Variants in GPCPD1 observed in about 807,000 individuals in gnomAD.
GPCPD1 encodes the protein glycerophosphocholine phosphodiesterase GPCPD1.
In GPCPD1, 29 loss-of-function variants were observed where a neutral mutation model predicts 89.2. That is an observed-to-expected ratio of 0.33 (90% CI 0.24 to 0.44). The LOEUF (loss-of-function observed/expected upper bound fraction) is 0.44. Among genes scored for constraint, GPCPD1 ranks in the 20% least tolerant of loss-of-function variants. The probability of loss-of-function intolerance (pLI) is 1.00; values close to 1 mark genes in which losing one functional copy is unlikely to be tolerated. For missense variants in GPCPD1, 594 were observed against 808.9 expected (o/e 0.73, Z 3.22); for synonymous variants, 258 against 266.3 (o/e 0.97, Z 0.30).
At chr20:5,556,517 T>G (rs909388214) in intron 19 of GPCPD1, among the ~76,000 whole-genome samples, 1 of 152,212 alleles carries the variant, frequency 6.6e-6, no homozygotes, top group Non-Finnish European at 1.5e-5. Flanking sequence ...ACATAACATT[T>G]ATATGCACTC....
At chr20:5,604,614 G>GGGA (rs199756182) in intron 1 of GPCPD1, among the ~76,000 whole-genome samples, 174 bp from the exon 2 acceptor site, 968 of 76,012 alleles carry the variant, frequency 0.013, 104 homozygotes, top group African/African-American at 0.048. Context: ...TTTAGTGCGG[G>GGGA]GGGGGGGGGG....
chr20:5,556,587 C>T (rs987733714), intron 19 of GPCPD1, among the ~76,000 whole-genome samples: 2 of 152,196 alleles, frequency 1.3e-5, no homozygotes, highest in Non-Finnish European at 2.9e-5. Context: ...CCTTCACTAT[C>T]GCTGAGGTAC....
chr20:5,562,137 G>A (rs573486097), intron 15 of GPCPD1, among the ~76,000 whole-genome samples: 2 of 152,186 alleles, frequency 1.3e-5, no homozygotes, highest in Non-Finnish European at 2.9e-5. Context: ...GATTATTTTG[G>A]CAGTTTTAAC....
rs1038795246 is a variant in GPCPD1, at chr20:5,573,585, A to T, written c.1056+330T>A. ...ACCCTGAATCTACAAAAGAGAAAAAAATTTAAAAATTAGCCAGGCATGGTG... is the reference window on the plus strand; with the variant it reads ...ACCCTGAATCTACAAAAGAGAAAAATATTTAAAAATTAGCCAGGCATGGTG... On this transcript the variant is annotated intron_variant, in intron 11 of 19. Transcript: ENST00000379019. Among the ~76,000 whole-genome samples the T allele has an allele frequency of 1.8e-4, 27 of 152,264 alleles. No homozygotes were observed. The East Asian group carries it at 4.6e-3, about 26-fold the overall frequency.
intron 6 of GPCPD1, among the ~76,000 whole-genome samples, chr20:5,583,781 TTAGA>T (rs1280638752): frequency 2.0e-5 from 3 of 152,114 alleles, no homozygotes; most frequent in African/African-American, 7.2e-5. Flanking sequence ...ATTTCACACT[TTAGA>T]TATTTAGAAA....
chr20:5,549,117 G>A (rs1454369312), intron 19 of GPCPD1: 1 of 649,706 alleles, frequency 1.5e-6, no homozygotes, highest in Non-Finnish European at 2.9e-6. Flanking sequence ...TTTAAGGATG[G>A]TGTTGAGCCC....
Position 5,587,317 on chromosome 20 carries a change from A to C in GPCPD1, c.232-1048T>G, listed in dbSNP as rs371222391. ...ATCATACCATTTAGGGATAATCACCATCAAGATTTTCACATATAATCTTTG... is the reference window on the plus strand; with the variant it reads ...ATCATACCATTTAGGGATAATCACCCTCAAGATTTTCACATATAATCTTTG... On this transcript the variant is annotated intron_variant, in intron 4 of 19. Transcript: ENST00000379019. 2.6e-5 allele frequency among the ~76,000 whole-genome samples: 4 copies of C among 152,264 alleles called. No homozygotes were observed. The East Asian group carries it at 7.7e-4, about 29-fold the overall frequency.
intron 13 of GPCPD1, 54 bp downstream of exon 13, chr20:5,567,429 G>C: frequency 6.6e-7 from 1 of 1,524,846 alleles, no homozygotes; most frequent in Non-Finnish European, 8.8e-7. Context: ...ATACAAGCAA[G>C]TACAATAGTC....
intron 6 of GPCPD1, 69 bp from the exon 7 acceptor site, chr20:5,580,200 T>C (rs1021129593): frequency 5.3e-6 from 4 of 760,042 alleles, no homozygotes; most frequent in African/African-American, 3.6e-5. Flanking sequence ...TAAGTACCTA[T>C]AGGCATTGAT....
intron 6 of GPCPD1, among the ~76,000 whole-genome samples, chr20:5,582,567 C>T (rs1978613503): frequency 6.6e-6 from 1 of 152,172 alleles, no homozygotes; most frequent in Admixed American, 6.5e-5. Context: ...CGCTTTCCAC[C>T]TTTTGACTCC....
chr20:5,586,599 A>G (rs957769557), intron 4 of GPCPD1, among the ~76,000 whole-genome samples: 2 of 152,214 alleles, frequency 1.3e-5, no homozygotes, highest in African/African-American at 2.4e-5. Flanking sequence ...CTTAAGATAA[A>G]TATCATATAT....
Position 5,580,032 on chromosome 20 carries a change from T to C in GPCPD1, c.449A>G (p.Lys150Arg), listed in dbSNP as rs1201020128. The change falls in exon 7 of 20, where the codon AAA (lysine) becomes AGA (arginine). Residue 150 changes from lysine (K) to arginine (R), a missense_variant. Coordinates refer to ENST00000379019, the MANE Select transcript of GPCPD1 (RefSeq NM_019593.5). ...SEKPPVSITK[K>R]KLKKSRFRVK... ...CCTAAATCTAGATTTTTTTAATTTT[T>C]TCTTGGTTATTGACACAGGAGGTTT... 3 of 1,534,476 alleles carry C rather than the reference T, an allele frequency of 2.0e-6. No individual in the cohort carries two copies. Among genetic ancestry groups the C allele is most frequent in the Non-Finnish European group, 2.7e-6 (3 of 1,111,022 alleles).
At chr20:5,557,033 G>GACATTT (rs1985810820) in intron 19 of GPCPD1, among the ~76,000 whole-genome samples, 1 of 152,242 alleles carries the variant, frequency 6.6e-6, no homozygotes, top group Non-Finnish European at 1.5e-5. Context: ...TCACTGAGGT[G>GACATTT]ACATTTAAAT....
intron 2 of GPCPD1, among the ~76,000 whole-genome samples, chr20:5,603,594 T>G (rs908294387): frequency 6.6e-6 from 1 of 152,178 alleles, no homozygotes; most frequent in African/African-American, 2.4e-5. Flanking sequence ...CTCAGTTTTA[T>G]GAGAGCCCAG....
intron 13 of GPCPD1, 61 bp downstream of exon 13, chr20:5,567,422 C>G: frequency 6.6e-7 from 1 of 1,506,868 alleles, no homozygotes; most frequent in South Asian, 1.4e-5. Flanking sequence ...TAACCATATA[C>G]AAGCAAGTAC....
chr20:5,546,407 T>C lies in GPCPD1; in HGVS notation c.*1254A>G, dbSNP rs1985027021. Reference sequence around the variant, plus strand: ...AGGGTAGACACTATATTAAAATTTCTTGTCATATTATAAAACCATTCTACA... The same window carrying C: ...AGGGTAGACACTATATTAAAATTTCCTGTCATATTATAAAACCATTCTACA... On this transcript the variant is annotated 3_prime_UTR_variant, in exon 20 of 20. Coordinates refer to ENST00000379019, the MANE Select transcript of GPCPD1 (RefSeq NM_019593.5). 1 of 152,172 alleles carries C rather than the reference T, an allele frequency of 6.6e-6. No individual in the cohort carries two copies. The highest frequency in any genetic ancestry group is 2.4e-5 in the African/African-American group (1 of 41,400). The allele number at this position is 152,172 out of a possible 1,614,324, so 9.4% of individuals were successfully genotyped here.
intron 3 of GPCPD1, among the ~76,000 whole-genome samples, chr20:5,598,054 G>A (rs561621855): frequency 5.9e-5 from 9 of 151,864 alleles, no homozygotes; most frequent in Non-Finnish European, 1.3e-4. Context: ...ATAATATATA[G>A]TGACCAGACA....
At chr20:5,570,426 C>CCAAA (rs59192426) in intron 11 of GPCPD1, among the ~76,000 whole-genome samples, 187 bp from the exon 12 acceptor site, 7 of 86,046 alleles carry the variant, frequency 8.1e-5, no homozygotes, top group Admixed American at 1.5e-4. Context: ...TTTTTCCTGG[C>CCAAA]AAAAAAAAAA....
chr20:5,574,109 T>C (rs1978284900), intron 10 of GPCPD1, 140 bp from the exon 11 acceptor site: 2 of 618,398 alleles, frequency 3.2e-6, no homozygotes, highest in Admixed American at 2.9e-5. Flanking sequence ...CCCCAAAATA[T>C]GACTATGGCT....
Sources: allele counts gnomAD v4.1 joint callset (sites outside exome capture counted in the v4.1 genomes callset), GRCh38; gene constraint gnomAD v4.1.1; transcripts MANE v1.5; gene names NCBI Gene and HGNC (gene_info 2026-07-23, HGNC 2026-07-21).